Variants in PDE7A observed in about 807,000 individuals in gnomAD.
The protein encoded by PDE7A is phosphodiesterase 7A.
A neutral mutation model predicts 64.3 loss-of-function variants in PDE7A; 39 were observed. The ratio of observed to expected loss-of-function variants is 0.61; its 90% CI spans 0.47 to 0.79. PDE7A has a LOEUF of 0.79. Among genes scored for constraint, PDE7A ranks in the 30% least tolerant of loss-of-function variants. The probability of loss-of-function intolerance (pLI) is 0.00; values close to 1 mark genes in which losing one functional copy is unlikely to be tolerated. For synonymous variants in PDE7A, 203 were observed against 206.8 expected (o/e 0.98, Z 0.16); for missense variants, 470 against 582.8 (o/e 0.81, Z 1.99).
At chr8:65,799,315 A>C (rs1002378869) in intron 1 of PDE7A, among the ~76,000 whole-genome samples, 1 of 152,320 alleles carries the variant, frequency 6.6e-6, no homozygotes, top group Non-Finnish European at 1.5e-5. Context: ...TAGAATTTAA[A>C]GTTAAATTGG....
intron 1 of PDE7A, among the ~76,000 whole-genome samples, chr8:65,803,872 G>T (rs1563513808): frequency 6.6e-6 from 1 of 152,118 alleles, no homozygotes; most frequent in Non-Finnish European, 1.5e-5. Context: ...GGAACCATAG[G>T]ACAGAGGATA....
At chr8:65,840,398 GCACACACACACA>G (rs746987926) in intron 1 of PDE7A, among the ~76,000 whole-genome samples, 2 of 109,666 alleles carry the variant, frequency 1.8e-5, no homozygotes, top group African/African-American at 5.2e-5. Context: ...CACACTACCT[GCACACACACACA>G]CACACACACA....
At chr8:65,725,934 TTTTA>T (rs1180164961) in intron 9 of PDE7A, among the ~76,000 whole-genome samples, 1 of 152,164 alleles carries the variant, frequency 6.6e-6, no homozygotes, top group Non-Finnish European at 1.5e-5. Context: ...CAAAAAATGA[TTTTA>T]CTTACCAGAA....
At chr8:65,825,198 C>T (rs1215038462) in intron 1 of PDE7A, among the ~76,000 whole-genome samples, 2 of 152,076 alleles carry the variant, frequency 1.3e-5, no homozygotes. Context: ...ATGGTCTTTA[C>T]TTCTTTACAT....
chr8:65,816,324 G>C (rs942093069), intron 1 of PDE7A, among the ~76,000 whole-genome samples: 7 of 152,210 alleles, frequency 4.6e-5, no homozygotes, highest in Non-Finnish European at 2.9e-5. Context: ...CGAATGTGCA[G>C]AAGGTAATGT....
chr8:65,762,924 C>T (rs1808579354), intron 3 of PDE7A, among the ~76,000 whole-genome samples: 1 of 151,626 alleles, frequency 6.6e-6, no homozygotes, highest in Non-Finnish European at 1.5e-5. Flanking sequence ...ATTGCTTGAG[C>T]CCAGGAGTTC....
chr8:65,838,289 T>G (rs190492674), intron 1 of PDE7A, among the ~76,000 whole-genome samples: 56 of 152,316 alleles, frequency 3.7e-4, no homozygotes, highest in Non-Finnish European at 2.1e-4. Flanking sequence ...CACAATATTT[T>G]TTTTCCAAAT....
At chr8:65,740,952 T>C (rs1379522664) in intron 5 of PDE7A, among the ~76,000 whole-genome samples, 10 of 152,222 alleles carry the variant, frequency 6.6e-5, no homozygotes, top group Admixed American at 6.5e-4. Context: ...TGGAAAGAGC[T>C]GCTACACGCA....
At chr8:65,774,656 AATAT>A (rs1365135067) in intron 3 of PDE7A, among the ~76,000 whole-genome samples, 1 of 151,572 alleles carries the variant, frequency 6.6e-6, no homozygotes, top group Non-Finnish European at 1.5e-5. Flanking sequence ...TTAATTTAAA[AATAT>A]ATAAAACAAA....
At chr8:65,744,232 AAAC>A (rs1013609507) in intron 5 of PDE7A, among the ~76,000 whole-genome samples, 11 of 151,990 alleles carry the variant, frequency 7.2e-5, no homozygotes, top group Admixed American at 2.0e-4. Flanking sequence ...AAACAAAACA[AAAC>A]AACAAAAAAA....
intron 3 of PDE7A, among the ~76,000 whole-genome samples, chr8:65,761,083 G>A (rs1030237970): frequency 1.9e-4 from 28 of 150,360 alleles, no homozygotes; most frequent in Non-Finnish European, 3.4e-4. Context: ...TTTTTTAGAC[G>A]GAGTCTCGCC....
At chr8:65,753,235 G>C (rs115905909) in intron 3 of PDE7A, among the ~76,000 whole-genome samples, 2,378 of 152,246 alleles carry the variant, frequency 0.016, 66 homozygotes, top group African/African-American at 0.053. Context: ...TATTGAATGA[G>C]CTGAATTTTC....
rs1806266086 is a variant in PDE7A, at chr8:65,719,083, C to T, written c.*207G>A. On this transcript the variant is annotated 3_prime_UTR_variant, in exon 13 of 13. Transcript: ENST00000401827. The stretch of plus-strand genomic sequence containing the variant: ...CATATTCAAGGTTTCACATGAAAGC[C>T]AAATTCATATTGCTGTATGTTCGGG... 1 of 573,900 alleles carries T rather than the reference C, an allele frequency of 1.7e-6. No individual in the cohort carries two copies. The highest frequency in any genetic ancestry group is 4.6e-4 in the Middle Eastern group (1 of 2,190). The allele number at this position is 573,900 out of a possible 1,614,324, so 35.6% of individuals were successfully genotyped here.
intron 1 of PDE7A, among the ~76,000 whole-genome samples, chr8:65,795,292 A>G (rs1166494876): frequency 6.6e-6 from 1 of 152,222 alleles, no homozygotes; most frequent in African/African-American, 2.4e-5. Flanking sequence ...ACCTGAAAGC[A>G]AGGCACAATC....
chr8:65,811,862 A>G (rs568432414), intron 1 of PDE7A, among the ~76,000 whole-genome samples: 1 of 152,334 alleles, frequency 6.6e-6, no homozygotes, highest in South Asian at 2.1e-4. Context: ...TTAAACTATT[A>G]GTTTAAATGG....
At chr8:65,748,128 C>G (rs1807771689) in intron 3 of PDE7A, among the ~76,000 whole-genome samples, 1 of 151,516 alleles carries the variant, frequency 6.6e-6, no homozygotes, top group Non-Finnish European at 1.5e-5. Flanking sequence ...ATACTATAAC[C>G]TCTTACTCTT....
At chr8:65,768,976 G>A (rs911776185) in intron 3 of PDE7A, among the ~76,000 whole-genome samples, 6 of 152,132 alleles carry the variant, frequency 3.9e-5, no homozygotes, top group African/African-American at 1.4e-4. Flanking sequence ...GGCCAGGCGA[G>A]GTGGCTCACA....
chr8:65,832,450 A>G (rs1351970375), intron 1 of PDE7A, among the ~76,000 whole-genome samples: 2 of 152,190 alleles, frequency 1.3e-5, no homozygotes, highest in African/African-American at 4.8e-5. Context: ...CGAATTATCA[A>G]AAATACTAAT....
chr8:65,756,205 G>C (rs904537620), intron 3 of PDE7A, among the ~76,000 whole-genome samples: 1 of 151,990 alleles, frequency 6.6e-6, no homozygotes, highest in Non-Finnish European at 1.5e-5. Flanking sequence ...TTACTCTTTG[G>C]GTTTCAACAA....
Sources: gnomAD v4.1 joint callset for allele counts (sites outside exome capture counted in the v4.1 genomes callset) on GRCh38, gnomAD v4.1.1 for gene constraint, MANE v1.5 for transcripts, NCBI Gene and HGNC (gene_info 2026-07-23, HGNC 2026-07-21) for gene names.